The following DGKB variants were observed in gnomAD, a reference collection of about 807,000 sequenced individuals.
DGKB encodes 90 kDa diacylglycerol kinase.
DGKB carries 67 observed loss-of-function variants against 114.3 expected under a neutral mutation model. The ratio of observed to expected loss-of-function variants is 0.59; its 90% CI spans 0.48 to 0.72. DGKB has a LOEUF of 0.72. Among genes scored for constraint, DGKB ranks in the 30% least tolerant of loss-of-function variants. The probability of loss-of-function intolerance (pLI) is 0.00; values close to 1 mark genes in which losing one functional copy is unlikely to be tolerated. For missense variants in DGKB, 907 were observed against 975.2 expected (o/e 0.93, Z 0.93); for synonymous variants, 398 against 323.1 (o/e 1.23, Z -2.49).
At chr7:14,478,473 T>C (rs1012372163) in intron 20 of DGKB, among the ~76,000 whole-genome samples, 1 of 152,176 alleles carries the variant, frequency 6.6e-6, no homozygotes, top group African/African-American at 2.4e-5. Flanking sequence ...CATCTAAGAC[T>C]TTATTGCTAT....
At chr7:14,840,976 A>G (rs1485098795) in intron 2 of DGKB, among the ~76,000 whole-genome samples, 1 of 152,046 alleles carries the variant, frequency 6.6e-6, no homozygotes, top group Non-Finnish European at 1.5e-5. Flanking sequence ...CTAACATTTT[A>G]GTTCCTTTCC....
intron 20 of DGKB, among the ~76,000 whole-genome samples, chr7:14,533,234 G>C (rs1791885623): frequency 1.3e-5 from 2 of 151,722 alleles, no homozygotes; most frequent in Non-Finnish European, 3.0e-5. Context: ...TCAACAGACA[G>C]CCTCTATAGT....
intron 20 of DGKB, among the ~76,000 whole-genome samples, chr7:14,559,818 A>G (rs1796387906): frequency 6.6e-6 from 1 of 152,154 alleles, no homozygotes; most frequent in South Asian, 2.1e-4. Context: ...CCCTCTGGGC[A>G]CTGGGCTATT....
At chr7:14,755,639 AT>A (rs1297988804) in intron 3 of DGKB, among the ~76,000 whole-genome samples, 3 of 152,094 alleles carry the variant, frequency 2.0e-5, no homozygotes, top group Non-Finnish European at 4.4e-5. Context: ...TGTAAGAGTA[AT>A]TTTTTATAAA....
At chr7:14,176,638 A>AT in intron 25 of DGKB, 2 of 1,307,448 alleles carry the variant, frequency 1.5e-6, no homozygotes, top group Non-Finnish European at 1.9e-6. Context: ...CAAACATTCA[A>AT]GAGCTAAATC....
chr7:14,770,120 T>C (rs1017922175), intron 2 of DGKB, among the ~76,000 whole-genome samples: 3 of 151,720 alleles, frequency 2.0e-5, no homozygotes, highest in Admixed American at 6.6e-5. Context: ...AAAATCCTAA[T>C]GGAATTTTGT....
At chr7:14,841,856 T>C (rs1313473040) in intron 1 of DGKB, among the ~76,000 whole-genome samples, 1 of 152,214 alleles carries the variant, frequency 6.6e-6, no homozygotes, top group Non-Finnish European at 1.5e-5. Flanking sequence ...TATGAATTAA[T>C]TTTGGAGAAG....
chr7:14,583,419 A>T (rs189694243), intron 17 of DGKB, among the ~76,000 whole-genome samples: 1 of 152,150 alleles, frequency 6.6e-6, no homozygotes, highest in Non-Finnish European at 1.5e-5. Context: ...TTAGTAAATT[A>T]TAATAATTTT....
chr7:14,442,135 C>G (rs1830162631), intron 21 of DGKB, among the ~76,000 whole-genome samples: 1 of 151,878 alleles, frequency 6.6e-6, no homozygotes, highest in Non-Finnish European at 1.5e-5. Flanking sequence ...AGAATATTTG[C>G]TAAAATTGCT....
chr7:14,859,002 A>G (rs891126863), intron 1 of DGKB, among the ~76,000 whole-genome samples: 6 of 152,178 alleles, frequency 3.9e-5, no homozygotes, highest in East Asian at 1.9e-4. Flanking sequence ...CTTGGGAAGC[A>G]TAGAGGTGAA....
At chr7:14,259,056 C>T (rs1796349039) in intron 23 of DGKB, among the ~76,000 whole-genome samples, 1 of 152,046 alleles carries the variant, frequency 6.6e-6, no homozygotes, top group African/African-American at 2.4e-5. Context: ...GTGTAACTTT[C>T]CTTGTTGAAC....
At chr7:14,788,496 A>T (rs1840205952) in intron 2 of DGKB, among the ~76,000 whole-genome samples, 1 of 152,038 alleles carries the variant, frequency 6.6e-6, no homozygotes, top group African/African-American at 2.4e-5. Context: ...AAACCAATGA[A>T]TCCAGTCTAC....
intron 17 of DGKB, among the ~76,000 whole-genome samples, chr7:14,604,535 T>C (rs1404821022): frequency 6.6e-6 from 1 of 152,056 alleles, no homozygotes; most frequent in Admixed American, 6.6e-5. Flanking sequence ...CTTTCAAGAG[T>C]ATGCATTCAA....
At chr7:14,567,584 TATAA>T in intron 20 of DGKB, among the ~76,000 whole-genome samples, 1 of 99,152 alleles carries the variant, frequency 1.0e-5, no homozygotes, top group Non-Finnish European at 1.8e-5. Context: ...ATTATCCAAT[TATAA>T]ATAAAGATAT....
intron 1 of DGKB, among the ~76,000 whole-genome samples, chr7:14,917,395 G>C (rs1784295898): frequency 6.6e-6 from 1 of 151,942 alleles, no homozygotes; most frequent in African/African-American, 2.4e-5. Context: ...ACTAACAAGA[G>C]AGAGAAAGAG....
In DGKB at chr7:14,963,290, A is replaced by G. The variant is rs188961182; in HGVS notation, c.-188+11406T>C. Among the ~76,000 whole-genome samples the G allele has an allele frequency of 6.6e-5, 10 of 152,258 alleles. No individual in the cohort carries two copies. The East Asian group carries it at 1.9e-3, about 30-fold the overall frequency. Reference sequence around the variant, plus strand: ...CCTGAGCTTTGGAAGGACAAAATAAATACACAAATACACAAAATGTACTTT... The same window carrying G: ...CCTGAGCTTTGGAAGGACAAAATAAGTACACAAATACACAAAATGTACTTT... On this transcript the variant is annotated intron_variant, in intron 1 of 4. Transcript: ENST00000437998.
chr7:14,919,371 A>G (rs1587381195), intron 1 of DGKB, among the ~76,000 whole-genome samples: 1 of 152,084 alleles, frequency 6.6e-6, no homozygotes, highest in Non-Finnish European at 1.5e-5. Flanking sequence ...TTCAATGGAG[A>G]AAAAATAGTC....
chr7:14,787,462 T>G (rs1235686061), intron 2 of DGKB, among the ~76,000 whole-genome samples: 4 of 152,158 alleles, frequency 2.6e-5, no homozygotes, highest in African/African-American at 9.7e-5. Flanking sequence ...TTCAAAGCAA[T>G]ATGGTGAAAT....
chr7:14,874,496 G>A (rs573622307), intron 1 of DGKB, among the ~76,000 whole-genome samples: 2 of 151,800 alleles, frequency 1.3e-5, no homozygotes, highest in African/African-American at 4.8e-5. Context: ...AAAATCTTAC[G>A]AGATTATAGT....
Sources: allele counts gnomAD v4.1 joint callset (sites outside exome capture counted in the v4.1 genomes callset), GRCh38; gene constraint gnomAD v4.1.1; transcripts MANE v1.5; gene names NCBI Gene and HGNC (gene_info 2026-07-23, HGNC 2026-07-21).